Variants in MBOAT1 observed in about 807,000 individuals in gnomAD.
MBOAT1 encodes the protein membrane-bound glycerophospholipid O-acyltransferase 1.
MBOAT1 carries 67 observed loss-of-function variants against 64.4 expected under a neutral mutation model. That is an observed-to-expected ratio of 1.04 (90% CI 0.85 to 1.27). The LOEUF is 1.27. Ranked by LOEUF, MBOAT1 falls within the 50% of genes most tolerant of loss-of-function variation. MBOAT1 has a pLI of 0.00. For missense variants in MBOAT1, 563 were observed against 604.6 expected (o/e 0.93, Z 0.72); for synonymous variants, 229 against 218.9 (o/e 1.05, Z -0.41).
intron 1 of MBOAT1, among the ~76,000 whole-genome samples, chr6:20,167,647 G>A (rs576163192): frequency 1.7e-3 from 255 of 152,296 alleles, no homozygotes; most frequent in African/African-American, 5.8e-3. Context: ...TTGAGAATTG[G>A]TATAAAGTTA....
intron 7 of MBOAT1, among the ~76,000 whole-genome samples, 174 bp downstream of exon 7, chr6:20,126,343 C>A (rs1006037064): frequency 2.0e-5 from 3 of 152,182 alleles, no homozygotes; most frequent in African/African-American, 7.2e-5. Context: ...AATAAACACC[C>A]ATTGCTGCAA....
intron 7 of MBOAT1, among the ~76,000 whole-genome samples, 161 bp downstream of exon 7, chr6:20,126,356 T>C (rs528679109): frequency 2.0e-5 from 3 of 152,208 alleles, no homozygotes; most frequent in Admixed American, 6.5e-5. Context: ...TGCTGCAAAA[T>C]AGAACTGCTG....
chr6:20,196,330 TAAG>T (rs1762954180), intron 1 of MBOAT1, among the ~76,000 whole-genome samples: 1 of 152,232 alleles, frequency 6.6e-6, no homozygotes, highest in African/African-American at 2.4e-5. Context: ...CTTGGAAATG[TAAG>T]AAGCTAGTCA....
At chr6:20,178,123 C>CTT (rs1762402113) in intron 1 of MBOAT1, among the ~76,000 whole-genome samples, 1 of 152,168 alleles carries the variant, frequency 6.6e-6, no homozygotes. Context: ...GTGTAAACCC[C>CTT]TTAGCCCTAT....
chr6:20,104,506 C>G (rs1353075554), intron 12 of MBOAT1, among the ~76,000 whole-genome samples: 1 of 152,154 alleles, frequency 6.6e-6, no homozygotes, highest in East Asian at 1.9e-4. Flanking sequence ...GCAGTATGCA[C>G]AATGTAGATA....
chr6:20,126,955 G>A (rs1303016876), intron 6 of MBOAT1, among the ~76,000 whole-genome samples: 1 of 152,146 alleles, frequency 6.6e-6, no homozygotes, highest in Non-Finnish European at 1.5e-5. Context: ...CTCAGAGCTG[G>A]GCGAGGGCAA....
intron 4 of MBOAT1, among the ~76,000 whole-genome samples, chr6:20,137,820 AG>A (rs1369729570): frequency 2.0e-5 from 3 of 152,210 alleles, no homozygotes; most frequent in Admixed American, 6.5e-5. Flanking sequence ...GGCATAATAA[AG>A]TATGCTAAAC....
In MBOAT1 at chr6:20,102,278, T is replaced by G; in HGVS notation, c.*8A>C. 1 of 1,612,836 alleles carries G rather than the reference T, an allele frequency of 6.2e-7. No individual in the cohort carries two copies. Among genetic ancestry groups the G allele is most frequent in the Admixed American group, 1.7e-5 (1 of 59,806 alleles). ...GCAGTTTTGCTTGTTCCGCTTCTCT[T>G]GGAGGTATCAATCTGTTTTTCTCTT... On this transcript the variant is annotated 3_prime_UTR_variant, in exon 13 of 13. Coordinates refer to ENST00000324607, the MANE Select transcript of MBOAT1 (RefSeq NM_001080480.3).
At chr6:20,203,845 G>A (rs78331615) in intron 1 of MBOAT1, among the ~76,000 whole-genome samples, 1 of 151,452 alleles carries the variant, frequency 6.6e-6, no homozygotes, top group Non-Finnish European at 1.5e-5. Context: ...CAACAGAAAA[G>A]GGGCCCAGTC....
intron 1 of MBOAT1, among the ~76,000 whole-genome samples, chr6:20,153,455 A>G (rs964722119): frequency 2.6e-5 from 4 of 152,218 alleles, no homozygotes; most frequent in Admixed American, 2.0e-4. Context: ...AAAGTTTGAC[A>G]AAAGAGCTCC....
chr6:20,153,852 A>G (rs561848142), intron 1 of MBOAT1, among the ~76,000 whole-genome samples: 1 of 152,366 alleles, frequency 6.6e-6, no homozygotes, highest in South Asian at 2.1e-4. Context: ...GATTTTAAAA[A>G]ACAATAAGCA....
intron 1 of MBOAT1, among the ~76,000 whole-genome samples, chr6:20,203,838 C>T (rs868544406): frequency 6.6e-6 from 1 of 151,718 alleles, no homozygotes; most frequent in African/African-American, 2.4e-5. Context: ...CAGCAACCAA[C>T]AGAAAAGGGG....
In MBOAT1 at chr6:20,128,412, G is replaced by A. The variant is rs145877795; in HGVS notation, c.530+287C>T. Among the ~76,000 whole-genome samples the A allele has an allele frequency of 2.1e-3, 323 of 151,876 alleles. 1 individual carries two copies. Among genetic ancestry groups the A allele is most frequent in the African/African-American group, 6.5e-3 (270 of 41,404 alleles). Reference sequence around the variant, plus strand: ...CCCAGGGAAGGACAGCCTCGCAGAGGTACAGTTCTATTTACTCTTTGACCT... The same window carrying A: ...CCCAGGGAAGGACAGCCTCGCAGAGATACAGTTCTATTTACTCTTTGACCT... On this transcript the variant is annotated intron_variant, in intron 6 of 12. Coordinates refer to ENST00000324607, the MANE Select transcript of MBOAT1 (RefSeq NM_001080480.3).
intron 4 of MBOAT1, among the ~76,000 whole-genome samples, chr6:20,136,109 A>G (rs1760984035): frequency 6.6e-6 from 1 of 152,100 alleles, no homozygotes; most frequent in African/African-American, 2.4e-5. Context: ...ATTCTTATCA[A>G]TTATGTCAGC....
At chr6:20,121,646 C>T (rs1389337317) in intron 8 of MBOAT1, among the ~76,000 whole-genome samples, 3 of 152,192 alleles carry the variant, frequency 2.0e-5, no homozygotes, top group Non-Finnish European at 4.4e-5. Context: ...ATGGAATGGC[C>T]TTTCTTTCCT....
chr6:20,168,621 GAGAAGAGAAGAGAA>G (rs1762093382), intron 1 of MBOAT1, among the ~76,000 whole-genome samples: 1 of 127,460 alleles, frequency 7.8e-6, no homozygotes, highest in East Asian at 2.2e-4. Context: ...GAGAAGAGAA[GAGAAGAGAAGAGAA>G]GAGAAGAGAG....
chr6:20,121,242 G>A (rs558202735), intron 8 of MBOAT1, among the ~76,000 whole-genome samples: 2 of 152,258 alleles, frequency 1.3e-5, no homozygotes, highest in African/African-American at 2.4e-5. Context: ...ATATGTAAAT[G>A]GTGTTTTAAA....
intron 8 of MBOAT1, among the ~76,000 whole-genome samples, chr6:20,120,270 T>G (rs1374231237): frequency 6.6e-6 from 1 of 152,076 alleles, no homozygotes; most frequent in East Asian, 1.9e-4. Flanking sequence ...TAAAGGGCTG[T>G]TGAAAGGATT....
chr6:20,140,284 T>A (rs775813587), intron 4 of MBOAT1, among the ~76,000 whole-genome samples: 10 of 152,224 alleles, frequency 6.6e-5, no homozygotes, highest in African/African-American at 9.6e-5. Flanking sequence ...CCAACCTAGA[T>A]TTAGAGAAAC....
Sources: gnomAD v4.1 joint callset for allele counts (sites outside exome capture counted in the v4.1 genomes callset) on GRCh38, gnomAD v4.1.1 for gene constraint, MANE v1.5 for transcripts, NCBI Gene and HGNC (gene_info 2026-07-23, HGNC 2026-07-21) for gene names.